The following GABRG3 variants were observed in gnomAD, a reference collection of about 807,000 sequenced individuals.
GABRG3 encodes gamma-aminobutyric acid receptor subunit gamma-3.
In GABRG3, 25 loss-of-function variants were observed where a neutral mutation model predicts 48.8. The ratio of observed to expected loss-of-function variants is 0.51; its 90% CI spans 0.37 to 0.72. GABRG3 has a LOEUF of 0.72. Ranked by LOEUF, GABRG3 falls within the 30% of genes least tolerant of loss-of-function variation. The pLI is 0.00. For missense variants in GABRG3, 394 were observed against 577.9 expected, an observed-to-expected ratio of 0.68 and a Z score of 3.26; for synonymous variants, 227 against 217.6, an observed-to-expected ratio of 1.04 and a Z score of -0.38.
chr15:27,153,104 G>A (rs575222777), intron 3 of GABRG3, among the ~76,000 whole-genome samples: 10 of 152,066 alleles, frequency 6.6e-5, no homozygotes, highest in South Asian at 2.1e-4. Flanking sequence ...CTTGTGATCC[G>A]CCCGCCTCGG....
intron 3 of GABRG3, among the ~76,000 whole-genome samples, chr15:27,155,844 C>T (rs1210013939): frequency 6.6e-6 from 1 of 152,056 alleles, no homozygotes; most frequent in East Asian, 1.9e-4. Context: ...GCCTGTCTCC[C>T]TCGTCAGCAC....
At chr15:27,336,153 C>T (rs1371058147) in intron 5 of GABRG3, among the ~76,000 whole-genome samples, 1 of 149,868 alleles carries the variant, frequency 6.7e-6, no homozygotes, top group Non-Finnish European at 1.5e-5. Context: ...CGTGCCATTG[C>T]ACTTCAGCCT....
intron 3 of GABRG3, among the ~76,000 whole-genome samples, chr15:27,292,968 A>G (rs892954909): frequency 6.6e-6 from 1 of 152,172 alleles, no homozygotes; most frequent in African/African-American, 2.4e-5. Flanking sequence ...ACAGGAGGAG[A>G]TATATAGAAA....
At chr15:27,480,119 G>A (rs1272188631) in intron 5 of GABRG3, among the ~76,000 whole-genome samples, 1 of 152,212 alleles carries the variant, frequency 6.6e-6, no homozygotes, top group Non-Finnish European at 1.5e-5. Context: ...CACATGAGAA[G>A]GGGTCCCTGA....
chr15:27,161,054 TTC>T (rs1887167674), intron 3 of GABRG3: 1 of 152,156 alleles, frequency 6.6e-6, no homozygotes, highest in South Asian at 2.1e-4. Flanking sequence ...AATCCAGGGT[TTC>T]TCTGAGTCAG....
In GABRG3 at chr15:26,971,281, C is replaced by T. The variant is rs1392919058; in HGVS notation, c.-255C>T. 1.8e-5 allele frequency: 3 copies of T among 166,360 alleles called. No individual in the cohort carries two copies. The highest frequency in any genetic ancestry group is 4.8e-5 in the African/African-American group (2 of 41,536). 10.3% of individuals were successfully genotyped at this position (166,360 alleles called of 1,614,324 possible). On this transcript the variant is annotated 5_prime_UTR_variant, in exon 1 of 10. Coordinates refer to ENST00000615808, the MANE Select transcript of GABRG3 (RefSeq NM_033223.5). ...GGGGGTCCCCGGCGCCCATTGCTCC[C>T]GCCGCCCGGTTGCGCGGACCGGCGC...
intron 5 of GABRG3, among the ~76,000 whole-genome samples, chr15:27,384,248 G>A (rs543144058): frequency 8.5e-5 from 13 of 152,270 alleles, no homozygotes; most frequent in Admixed American, 5.9e-4. Context: ...GTGAGAAGAT[G>A]GCTCAGGCTT....
chr15:27,519,188 G>A (rs1398696985), intron 6 of GABRG3, among the ~76,000 whole-genome samples: 1 of 152,138 alleles, frequency 6.6e-6, no homozygotes, highest in African/African-American at 2.4e-5. Flanking sequence ...GGATGAGGAT[G>A]AGGAGATAAT....
intron 3 of GABRG3, among the ~76,000 whole-genome samples, chr15:27,040,433 G>C (rs892405742): frequency 6.6e-6 from 1 of 152,148 alleles, no homozygotes; most frequent in African/African-American, 2.4e-5. Context: ...GATGGGGTGG[G>C]GAAATACACA....
chr15:26,993,925 CT>C (rs985997019), intron 2 of GABRG3, among the ~76,000 whole-genome samples: 1 of 152,018 alleles, frequency 6.6e-6, no homozygotes, highest in African/African-American at 2.4e-5. Context: ...ATTATATCCT[CT>C]TGCCGAATTG....
chr15:27,431,245 G>A (rs952641997), intron 5 of GABRG3, among the ~76,000 whole-genome samples: 4 of 151,932 alleles, frequency 2.6e-5, no homozygotes, highest in Non-Finnish European at 4.4e-5. Context: ...ATGAACTTTG[G>A]AATAAGATTT....
At chr15:27,081,305 C>T (rs61998096) in intron 3 of GABRG3, among the ~76,000 whole-genome samples, 2,027 of 152,138 alleles carry the variant, frequency 0.013, 25 homozygotes, top group Non-Finnish European at 0.019. Flanking sequence ...TCATGTTTTG[C>T]TGAGTGCTTC....
intron 5 of GABRG3, among the ~76,000 whole-genome samples, chr15:27,405,446 T>C (rs1887601597): frequency 1.3e-5 from 2 of 152,138 alleles, no homozygotes; most frequent in Non-Finnish European, 2.9e-5. Context: ...ATTTGTTAAG[T>C]GTGGGGGGTC....
chr15:27,520,193 T>C (rs1337865222), intron 7 of GABRG3, 69 bp downstream of exon 7: 2 of 1,374,390 alleles, frequency 1.5e-6, no homozygotes, highest in Admixed American at 4.6e-5. Context: ...AAAAAATACC[T>C]TCAATGTAAA....
intron 7 of GABRG3, among the ~76,000 whole-genome samples, chr15:27,523,154 T>TTATACTAATATAATCC (rs1891196935): frequency 6.6e-6 from 1 of 151,976 alleles, no homozygotes; most frequent in South Asian, 2.1e-4. Flanking sequence ...TTATATTAGA[T>TTATACTAATATAATCC]TAGATAAAGA....
chr15:27,393,047 T>C (rs1887185233), intron 5 of GABRG3, among the ~76,000 whole-genome samples: 1 of 152,122 alleles, frequency 6.6e-6, no homozygotes, highest in Non-Finnish European at 1.5e-5. Context: ...GAGAACGGTA[T>C]TAGAAATCTG....
chr15:26,993,865 T>C (rs1352340124), intron 2 of GABRG3, among the ~76,000 whole-genome samples: 1 of 151,768 alleles, frequency 6.6e-6, no homozygotes, highest in Non-Finnish European at 1.5e-5. Flanking sequence ...ATATTTGCTA[T>C]ATATATATAT....
At chr15:27,069,007 C>T (rs1595504765) in intron 3 of GABRG3, among the ~76,000 whole-genome samples, 1 of 152,116 alleles carries the variant, frequency 6.6e-6, no homozygotes, top group African/African-American at 2.4e-5. Context: ...ACTTTGTTTC[C>T]CCACCTTGCA....
intron 6 of GABRG3, among the ~76,000 whole-genome samples, chr15:27,500,391 G>A (rs1273552648): frequency 2.0e-5 from 3 of 151,228 alleles, no homozygotes; most frequent in Non-Finnish European, 3.0e-5. Context: ...CCTGCTCCAC[G>A]CTGTCAGCTA....
Sources: allele counts gnomAD v4.1 joint callset (sites outside exome capture counted in the v4.1 genomes callset), GRCh38; gene constraint gnomAD v4.1.1; transcripts MANE v1.5; gene names NCBI Gene and HGNC (gene_info 2026-07-23, HGNC 2026-07-21).